C6: variants seen among roughly 807,000 people sequenced by gnomAD.
The protein encoded by C6 is complement component C6.
Under a neutral mutation model 112.9 loss-of-function variants are expected in C6, and 101 were observed. The ratio of observed to expected loss-of-function variants is 0.89; its 90% CI spans 0.76 to 1.06. The LOEUF is 1.06. Among genes scored for constraint, C6 ranks in the 50% least tolerant of loss-of-function variants. The pLI is 0.00. For missense variants in C6, 1,202 were observed against 1,104.6 expected, an observed-to-expected ratio of 1.09 and a Z score of -1.25; for synonymous variants, 431 against 384.1, an observed-to-expected ratio of 1.12 and a Z score of -1.43.
At chr5:41,235,433 T>C (rs2150418275) in intron 1 of C6, among the ~76,000 whole-genome samples, 1 of 144,058 alleles carries the variant, frequency 6.9e-6, no homozygotes, top group South Asian at 2.3e-4. Context: ...TGCATAGTAT[T>C]CCATGGTGTA....
chr5:41,227,286 C>T (rs1739576457), intron 1 of C6, among the ~76,000 whole-genome samples: 2 of 151,058 alleles, frequency 1.3e-5, no homozygotes, highest in African/African-American at 2.4e-5. Flanking sequence ...GATCTTTTGC[C>T]CATTTTTTAA....
intron 1 of C6, among the ~76,000 whole-genome samples, chr5:41,251,175 A>G (rs768868377): frequency 3.3e-5 from 5 of 152,156 alleles, no homozygotes; most frequent in Non-Finnish European, 7.3e-5. Context: ...TATTTTAGTT[A>G]TTATGCATTG....
intron 1 of C6, among the ~76,000 whole-genome samples, chr5:41,240,514 T>C (rs1007266706): frequency 6.6e-6 from 1 of 152,138 alleles, no homozygotes; most frequent in Non-Finnish European, 1.5e-5. Context: ...TTCTCTGGTA[T>C]TAATGGTGGC....
rs552001931 is a variant in C6 at position 41,179,613 on chromosome 5, G to C, written c.927+1746C>G. Among the ~76,000 whole-genome samples the C allele has an allele frequency of 1.3e-4, 19 of 150,532 alleles. No individual in the cohort carries two copies. The South Asian group carries it at 3.6e-3, about 28-fold the overall frequency. On this transcript the variant is annotated intron_variant, in intron 7 of 17. Transcript: ENST00000337836. ...TTGTCTTACAAAGATAATTTGTTAA[G>C]TTTGGAGGGCTCTATAGGACCCACA...
intron 14 of C6, among the ~76,000 whole-genome samples, chr5:41,154,586 A>G (rs778620261): frequency 2.6e-5 from 4 of 152,232 alleles, no homozygotes; most frequent in Non-Finnish European, 5.9e-5. Flanking sequence ...CATCTTACAC[A>G]AATTCCCATT....
chr5:41,209,377 C>A (rs1751707941), intron 1 of C6, among the ~76,000 whole-genome samples: 1 of 152,108 alleles, frequency 6.6e-6, no homozygotes, highest in South Asian at 2.1e-4. Flanking sequence ...CCAGGGCAAT[C>A]AGGCAGGAGA....
At position 41,195,838 on chromosome 5, in the gene C6, T is replaced by A. The variant is rs2150354559; in HGVS notation, c.541A>T (p.Thr181Ser). ...CTAGGGATGGGATTATACTTCCGTG[T>A]GCATACTGCCTTTGTCCTCCCACAG... ...RDCGRTKAVCTRKYNPIPSVQ... is the reference protein window; with the variant it reads ...RDCGRTKAVCSRKYNPIPSVQ... Residue 181 changes from threonine to serine, a missense_variant, in exon 5 of 18, where the codon ACA becomes TCA. Coordinates refer to ENST00000337836, the MANE Select transcript of C6 (RefSeq NM_000065.5). 6.2e-7 allele frequency: 1 copy of A among 1,614,030 alleles called. No individual in the cohort carries two copies. Among genetic ancestry groups the A allele is most frequent in the South Asian group, 1.1e-5 (1 of 91,088 alleles).
At chr5:41,194,967 A>G (rs1039735504) in intron 5 of C6, among the ~76,000 whole-genome samples, 15 of 152,174 alleles carry the variant, frequency 9.9e-5, no homozygotes, top group African/African-American at 3.4e-4. Context: ...ATCAGCATGA[A>G]ATCATGGAAA....
intron 5 of C6, among the ~76,000 whole-genome samples, chr5:41,191,716 T>C (rs942937006): frequency 6.6e-6 from 1 of 152,128 alleles, no homozygotes; most frequent in Non-Finnish European, 1.5e-5. Context: ...CGTGATAATA[T>C]ATAGAAATGC....
chr5:41,194,643 C>G lies in C6; in HGVS notation c.587+1149G>C, dbSNP rs575516467. Reference sequence around the variant, plus strand: ...TGAAGCAATAGAAATTGATAGCAAACTATCTGCCTTCTGGCCAAAAATTTA... The same window carrying G: ...TGAAGCAATAGAAATTGATAGCAAAGTATCTGCCTTCTGGCCAAAAATTTA... On this transcript the variant is annotated intron_variant, in intron 5 of 17. Transcript: ENST00000337836. Among the ~76,000 whole-genome samples, 3 of 152,280 alleles carry G rather than the reference C, an allele frequency of 2.0e-5. No homozygotes were observed. In the South Asian group the frequency reaches 6.2e-4, roughly 32 times the overall value.
chr5:41,209,031 G>C (rs1190428066), intron 1 of C6, among the ~76,000 whole-genome samples: 1 of 152,132 alleles, frequency 6.6e-6, no homozygotes. Flanking sequence ...CCACAATCAG[G>C]TTGGCTTCAC....
At chr5:41,161,964 A>G in intron 9 of C6, 105 bp from the exon 10 acceptor site, 2 of 1,082,950 alleles carry the variant, frequency 1.8e-6, no homozygotes, top group South Asian at 1.3e-5. Context: ...AGTAGATGGT[A>G]CAGTATGTAG....
upstream of C6, among the ~76,000 whole-genome samples, chr5:41,218,177 A>G (rs111576080): frequency 2.3e-3 from 353 of 152,318 alleles, 3 homozygotes; most frequent in African/African-American, 7.9e-3. Flanking sequence ...TGGATAGGAA[A>G]GAAAAAGAAC....
chr5:41,213,842 A>T (rs113717986), upstream of C6, among the ~76,000 whole-genome samples: 350 of 152,314 alleles, frequency 2.3e-3, 3 homozygotes, highest in African/African-American at 7.8e-3. Context: ...TTTTGGAGAC[A>T]ATGTGATTGT....
rs186049995 is a variant in C6, at chr5:41,203,431, T to G, written c.-20-181A>C. 79 of 577,290 alleles carry G rather than the reference T, an allele frequency of 1.4e-4. 2 individuals are homozygous for G. The East Asian group carries it at 2.4e-3, about 18-fold the overall frequency. 35.8% of individuals were successfully genotyped at this position (577,290 alleles called of 1,614,324 possible). On this transcript the variant is annotated intron_variant, in intron 1 of 17. Coordinates refer to ENST00000337836, the MANE Select transcript of C6 (RefSeq NM_000065.5). ...TGAGTACAAATCCTATTTTTAAAGA[T>G]TTTTAGGGTGGAGATTACCATAGGC...
intron 1 of C6, among the ~76,000 whole-genome samples, chr5:41,233,560 T>C (rs1258803428): frequency 1.3e-5 from 2 of 152,052 alleles, no homozygotes; most frequent in African/African-American, 4.8e-5. Context: ...TAAAACGAGA[T>C]GCAGCTATTC....
intron 4 of C6, among the ~76,000 whole-genome samples, chr5:41,199,112 AC>A (rs1561159598): frequency 6.6e-6 from 1 of 152,144 alleles, no homozygotes; most frequent in Admixed American, 6.6e-5. Flanking sequence ...AGAGGGGAAA[AC>A]TTGGGTTCCA....
upstream of C6, among the ~76,000 whole-genome samples, chr5:41,218,360 A>C (rs958400554): frequency 1.1e-4 from 16 of 152,180 alleles, no homozygotes; most frequent in Non-Finnish European, 2.4e-4. Context: ...ACTGCAAGGA[A>C]CTGTTCTAGG....
Position 41,197,510 on chromosome 5 carries a change from T to C in C6, c.446-1577A>G, listed in dbSNP as rs191619324. On this transcript the variant is annotated intron_variant, in intron 4 of 17. Transcript: ENST00000337836. ...AAGTTTTGAACCTAGCACTTACAAA[T>C]TTAAGCAAAGGTTTATTTTTGATAT... is the stretch of plus-strand genomic sequence containing the variant. Among the ~76,000 whole-genome samples the C allele has an allele frequency of 1.1e-3, 174 of 152,286 alleles. 1 individual carries two copies. The highest frequency in any genetic ancestry group is 3.9e-3 in the African/African-American group (162 of 41,568).
Sources: gnomAD v4.1 joint callset for allele counts (sites outside exome capture counted in the v4.1 genomes callset) on GRCh38, gnomAD v4.1.1 for gene constraint, MANE v1.5 for transcripts, NCBI Gene and HGNC (gene_info 2026-07-23, HGNC 2026-07-21) for gene names.